The following NRG1 variants were observed in gnomAD, a reference collection of about 807,000 sequenced individuals.
NRG1 encodes neuregulin 1.
A neutral mutation model predicts 63.8 loss-of-function variants in NRG1; 18 were observed. That is an observed-to-expected ratio of 0.28 (90% CI 0.19 to 0.42). NRG1 has a LOEUF of 0.42. Among genes scored for constraint, NRG1 ranks in the 10% least tolerant of loss-of-function variants. The probability of loss-of-function intolerance (pLI) is 1.00; values close to 1 mark genes in which losing one functional copy is unlikely to be tolerated. For missense variants in NRG1, 762 were observed against 814.7 expected (o/e 0.94, Z 0.79); for synonymous variants, 302 against 301.3 (o/e 1.00, Z -0.02).
chr8:32,149,624 A>G (rs76007213), intron 1 of NRG1, among the ~76,000 whole-genome samples: 1,911 of 152,324 alleles, frequency 0.013, 50 homozygotes, highest in African/African-American at 0.043. Flanking sequence ...ATTCTTTTGT[A>G]TCCCCAGGAG....
chr8:32,031,552 G>A (rs925550133), intron 1 of NRG1, among the ~76,000 whole-genome samples: 2 of 151,974 alleles, frequency 1.3e-5, no homozygotes, highest in African/African-American at 4.8e-5. Flanking sequence ...TATTTTATGG[G>A]ACTTTCATTT....
chr8:32,612,972 A>C (rs1563767423), intron 3 of NRG1, among the ~76,000 whole-genome samples: 1 of 152,046 alleles, frequency 6.6e-6, no homozygotes, highest in African/African-American at 2.4e-5. Flanking sequence ...ACATTTTCTC[A>C]AAGAAGAACA....
intron 1 of NRG1, among the ~76,000 whole-genome samples, chr8:31,713,145 C>A (rs1585856005): frequency 1.7e-5 from 2 of 115,806 alleles, no homozygotes; most frequent in East Asian, 3.1e-4. Context: ...GAGACGGAGT[C>A]TCGCTTTGTC....
At chr8:32,709,850 G>C (rs746756503) in intron 5 of NRG1, among the ~76,000 whole-genome samples, 1 of 152,038 alleles carries the variant, frequency 6.6e-6, no homozygotes, top group Non-Finnish European at 1.5e-5. Flanking sequence ...AAAATCAACG[G>C]AATACTGAAG....
At position 32,022,665 on chromosome 8, in the gene NRG1, C is replaced by T. The variant is rs144828805; in HGVS notation, c.37+383234C>T. Among the ~76,000 whole-genome samples, 27 of 152,114 alleles carry T rather than the reference C, an allele frequency of 1.8e-4. No individual in the cohort carries two copies. In the East Asian group the frequency reaches 3.9e-3, roughly 22 times the overall value. On this transcript the variant is annotated intron_variant, in intron 1 of 10. Coordinates refer to the NRG1 transcript ENST00000519301. ...TAATTGACAACTCCATTTTATATGA[C>T]GTATACAATCAACTGGACCTGTTTA...
At chr8:32,105,898 C>T (rs1169376079) in intron 1 of NRG1, among the ~76,000 whole-genome samples, 5 of 152,158 alleles carry the variant, frequency 3.3e-5, no homozygotes, top group African/African-American at 4.8e-5. Context: ...TGACAAATTA[C>T]ATGCTTCTAT....
chr8:32,058,363 CACA>C (rs1264002370), intron 1 of NRG1, among the ~76,000 whole-genome samples: 3 of 151,942 alleles, frequency 2.0e-5, no homozygotes, highest in Non-Finnish European at 4.4e-5. Context: ...TGGTACCTGG[CACA>C]ACACATGCAT....
chr8:32,191,526 G>A (rs1585974519), intron 1 of NRG1, among the ~76,000 whole-genome samples: 2 of 152,240 alleles, frequency 1.3e-5, no homozygotes, highest in East Asian at 1.9e-4. Context: ...CATCATCATA[G>A]GCATATGTAA....
chr8:32,279,351 T>TATTTG (rs1432766123), intron 1 of NRG1, among the ~76,000 whole-genome samples: 1 of 152,156 alleles, frequency 6.6e-6, no homozygotes, highest in Non-Finnish European at 1.5e-5. Flanking sequence ...AAAAGTTGTT[T>TATTTG]TTTTGTTTTG....
chr8:31,895,321 A>T (rs986821597), intron 1 of NRG1, among the ~76,000 whole-genome samples: 2 of 152,118 alleles, frequency 1.3e-5, no homozygotes, highest in Admixed American at 1.3e-4. Context: ...GTCTGCAATT[A>T]CTCCTTCTGC....
chr8:32,547,590 AAC>A (rs33943729), upstream of NRG1, among the ~76,000 whole-genome samples: 21,566 of 148,222 alleles, frequency 0.15, 1,514 homozygotes, highest in South Asian at 0.17. Flanking sequence ...GCACTTACTA[AAC>A]ACACACACAC....
chr8:32,470,496 G>T (rs541440091), intron 1 of NRG1, among the ~76,000 whole-genome samples: 1 of 151,928 alleles, frequency 6.6e-6, no homozygotes, highest in Non-Finnish European at 1.5e-5. Context: ...GAGCCACCGC[G>T]CCCGACCATG....
At chr8:32,023,016 C>A (rs1001887002) in intron 1 of NRG1, among the ~76,000 whole-genome samples, 2 of 152,126 alleles carry the variant, frequency 1.3e-5, no homozygotes, top group Non-Finnish European at 2.9e-5. Context: ...ATTTTTTACT[C>A]TACTGAGACG....
chr8:32,186,192 C>T (rs528185286), intron 1 of NRG1, among the ~76,000 whole-genome samples: 18 of 152,116 alleles, frequency 1.2e-4, no homozygotes, highest in African/African-American at 4.3e-4. Context: ...AGGCCGTGTG[C>T]GGTGGCTCAC....
intron 1 of NRG1, among the ~76,000 whole-genome samples, chr8:31,974,115 T>A (rs1807767193): frequency 6.6e-6 from 1 of 152,056 alleles, no homozygotes; most frequent in Non-Finnish European, 1.5e-5. Flanking sequence ...GTTATATGAG[T>A]CTTCATGTTC....
chr8:31,998,556 G>A (rs968778727), intron 1 of NRG1, among the ~76,000 whole-genome samples: 3 of 151,920 alleles, frequency 2.0e-5, no homozygotes, highest in Admixed American at 1.3e-4. Context: ...ACTGTATATA[G>A]GTTCTTTGGA....
At chr8:32,584,981 A>T (rs944656289) in intron 1 of NRG1, among the ~76,000 whole-genome samples, 1 of 152,220 alleles carries the variant, frequency 6.6e-6, no homozygotes, top group African/African-American at 2.4e-5. Context: ...ATTAAATGTA[A>T]TTCAACTTGA....
At chr8:32,118,774 T>G (rs555707222) in intron 1 of NRG1, among the ~76,000 whole-genome samples, 3 of 152,020 alleles carry the variant, frequency 2.0e-5, no homozygotes, top group Non-Finnish European at 2.9e-5. Context: ...AATCTTTGGG[T>G]CATCCAAGGC....
chr8:32,240,930 G>A (rs1263287592), intron 1 of NRG1, among the ~76,000 whole-genome samples: 2 of 152,042 alleles, frequency 1.3e-5, no homozygotes, highest in African/African-American at 4.8e-5. Flanking sequence ...AATGTTGCAA[G>A]AGAAGGAGAA....
Sources: allele counts gnomAD v4.1 joint callset (sites outside exome capture counted in the v4.1 genomes callset), GRCh38; gene constraint gnomAD v4.1.1; transcripts MANE v1.5; gene names NCBI Gene and HGNC (gene_info 2026-07-23, HGNC 2026-07-21).